LRP1B: variants seen among roughly 807,000 people sequenced by gnomAD.
LRP1B encodes low-density lipoprotein receptor-related protein 1B.
Under a neutral mutation model 556.6 loss-of-function variants are expected in LRP1B, and 217 were observed. That is an observed-to-expected ratio of 0.39 (90% CI 0.35 to 0.44). LRP1B has a LOEUF of 0.44. LRP1B is among the 20% of genes least tolerant of loss of function. The pLI, the probability that LRP1B is intolerant of heterozygous loss-of-function variation, is 1.00. For synonymous variants in LRP1B, 2,047 were observed against 1,865.8 expected (o/e 1.10, Z -2.50); for missense variants, 5,053 against 5,620.8 (o/e 0.90, Z 3.23).
At chr2:140,404,310 G>A (rs10203693) in intron 66 of LRP1B, among the ~76,000 whole-genome samples, 1 of 151,178 alleles carries the variant, frequency 6.6e-6, no homozygotes, top group East Asian at 2.0e-4. Flanking sequence ...GAGTAGCTGA[G>A]ACTTCAGGTG....
At chr2:141,294,770 A>G (rs1686119024) in intron 3 of LRP1B, among the ~76,000 whole-genome samples, 3 of 151,636 alleles carry the variant, frequency 2.0e-5, no homozygotes, top group Admixed American at 2.0e-4. Flanking sequence ...CCTAAAACAA[A>G]AATTGATTTT....
chr2:141,811,338 T>C (rs960945611), intron 1 of LRP1B, among the ~76,000 whole-genome samples: 2 of 152,052 alleles, frequency 1.3e-5, no homozygotes, highest in African/African-American at 4.8e-5. Context: ...AATCCAACAT[T>C]AAATAGGTCT....
chr2:142,028,340 C>A (rs1025887817), intron 1 of LRP1B, among the ~76,000 whole-genome samples: 12 of 151,950 alleles, frequency 7.9e-5, no homozygotes, highest in Admixed American at 6.6e-4. Flanking sequence ...TTGCCATCAA[C>A]CATTCTACTA....
chr2:141,848,656 C>T (rs1005469046), intron 1 of LRP1B, among the ~76,000 whole-genome samples: 4 of 151,380 alleles, frequency 2.6e-5, no homozygotes, highest in African/African-American at 9.7e-5. Context: ...TATAGATGAA[C>T]TCTGTGCATG....
At chr2:142,066,270 A>G (rs1405665526) in intron 1 of LRP1B, among the ~76,000 whole-genome samples, 1 of 75,614 alleles carries the variant, frequency 1.3e-5, no homozygotes, top group Non-Finnish European at 3.2e-5. Flanking sequence ...AAAATCATTA[A>G]GTCCAGTTTT....
intron 7 of LRP1B, among the ~76,000 whole-genome samples, chr2:141,068,337 C>T (rs1258396990): frequency 6.6e-6 from 1 of 151,754 alleles, no homozygotes; most frequent in Admixed American, 6.6e-5. Context: ...GAGGGGTGCT[C>T]GTATGGGACT....
intron 2 of LRP1B, among the ~76,000 whole-genome samples, chr2:141,567,806 G>T (rs568618935): frequency 1.5e-3 from 214 of 139,208 alleles, no homozygotes; most frequent in African/African-American, 5.1e-3. Flanking sequence ...GTTAAATGTG[G>T]AAGGGCCCCT....
chr2:141,736,644 G>C (rs935064591), intron 2 of LRP1B, among the ~76,000 whole-genome samples: 3 of 152,090 alleles, frequency 2.0e-5, no homozygotes, highest in Non-Finnish European at 4.4e-5. Flanking sequence ...CTCTAGAAAA[G>C]CAACGCAGAT....
At chr2:140,658,059 A>G (rs998307083) in intron 41 of LRP1B, among the ~76,000 whole-genome samples, 1 of 152,152 alleles carries the variant, frequency 6.6e-6, no homozygotes, top group Non-Finnish European at 1.5e-5. Flanking sequence ...TCATAAGTTA[A>G]TATCTACTTA....
intron 1 of LRP1B, among the ~76,000 whole-genome samples, chr2:141,821,877 A>G (rs1184416040): frequency 2.0e-5 from 3 of 152,112 alleles, no homozygotes; most frequent in Non-Finnish European, 4.4e-5. Context: ...AGCTTTGCCC[A>G]TTTATCATTT....
chr2:140,936,339 C>CAAAAAAAAA (rs59717868), intron 20 of LRP1B, among the ~76,000 whole-genome samples: 8 of 86,820 alleles, frequency 9.2e-5, no homozygotes, highest in African/African-American at 3.2e-4. Flanking sequence ...GACTCCGTCT[C>CAAAAAAAAA]AAAAAAAAAA....
chr2:141,464,593 T>TATATATATATATATATAA (rs1682091774), intron 3 of LRP1B, among the ~76,000 whole-genome samples: 1 of 56,494 alleles, frequency 1.8e-5, no homozygotes. Context: ...TGTATATATA[T>TATATATATATATATATAA]ATATATATAT....
chr2:140,614,004 A>G (rs1322347464), intron 41 of LRP1B, among the ~76,000 whole-genome samples: 3 of 152,224 alleles, frequency 2.0e-5, no homozygotes, highest in Admixed American at 2.0e-4. Context: ...TCTGTCTCCC[A>G]GTTTCTGTGG....
At chr2:140,529,435 G>T (rs1205839419) in intron 47 of LRP1B, among the ~76,000 whole-genome samples, 3 of 109,084 alleles carry the variant, frequency 2.8e-5, no homozygotes, top group Admixed American at 9.5e-5. Context: ...GCTGAAAAGG[G>T]GGGGGGGAAG....
At chr2:141,862,988 G>A (rs1488687651) in intron 1 of LRP1B, among the ~76,000 whole-genome samples, 1 of 152,082 alleles carries the variant, frequency 6.6e-6, no homozygotes, top group Non-Finnish European at 1.5e-5. Context: ...CCTTCTTATT[G>A]CTGAGCTCTC....
intron 43 of LRP1B, among the ~76,000 whole-genome samples, chr2:140,564,390 A>G (rs1052773455): frequency 6.6e-6 from 1 of 152,106 alleles, no homozygotes; most frequent in African/African-American, 2.4e-5. Context: ...ATTTTCTATT[A>G]GAATTTAAAA....
intron 2 of LRP1B, among the ~76,000 whole-genome samples, chr2:141,484,118 C>A (rs955562047): frequency 2.0e-5 from 3 of 151,752 alleles, no homozygotes; most frequent in Admixed American, 1.3e-4. Flanking sequence ...AGTCTTTAAT[C>A]CATCTTGAAT....
In LRP1B at chr2:141,129,241, C is replaced by T. The variant is rs183551542; in HGVS notation, c.1013+59180G>A. Among the ~76,000 whole-genome samples the T allele has an allele frequency of 1.2e-4, 19 of 152,050 alleles. No homozygotes were observed. In the East Asian group the frequency reaches 1.9e-3, roughly 15 times the overall value. On this transcript the variant is annotated intron_variant, in intron 7 of 90. Coordinates refer to ENST00000389484, the MANE Select transcript of LRP1B (RefSeq NM_018557.3). Reference sequence around the variant, plus strand: ...AATGGAGAAACAATCATGGAAAAGACGACTTAATATCTTAAAATCGTAAGG... The same window carrying T: ...AATGGAGAAACAATCATGGAAAAGATGACTTAATATCTTAAAATCGTAAGG...
chr2:140,522,858 A>G (rs1601483), intron 49 of LRP1B, among the ~76,000 whole-genome samples: 149,724 of 151,976 alleles, frequency 0.99, 73,789 homozygotes, highest in Middle Eastern at 1. Context: ...CATTGAAAAC[A>G]TGAATAGATC....
Sources: allele counts gnomAD v4.1 joint callset (sites outside exome capture counted in the v4.1 genomes callset), GRCh38; gene constraint gnomAD v4.1.1; transcripts MANE v1.5; gene names NCBI Gene and HGNC (gene_info 2026-07-23, HGNC 2026-07-21).